The following PLCH1 variants were observed in gnomAD, a reference collection of about 807,000 sequenced individuals.
PLCH1 encodes 1-phosphatidylinositol 4,5-bisphosphate phosphodiesterase eta-1.
A neutral mutation model predicts 126.7 loss-of-function variants in PLCH1; 60 were observed. The observed-to-expected ratio is 0.47, with a 90% CI of 0.38 to 0.59. The LOEUF (loss-of-function observed/expected upper bound fraction) is 0.59. Among genes scored for constraint, PLCH1 ranks in the 20% least tolerant of loss-of-function variants. The probability of loss-of-function intolerance (pLI) is 0.00; values close to 1 mark genes in which losing one functional copy is unlikely to be tolerated. For synonymous variants in PLCH1, 719 were observed against 734.9 expected (o/e 0.98, Z 0.35); for missense variants, 1,723 against 2,040.0 (o/e 0.84, Z 2.99).
At chr3:155,592,089 T>G (rs1340034280) in intron 4 of PLCH1, among the ~76,000 whole-genome samples, 1 of 151,548 alleles carries the variant, frequency 6.6e-6, no homozygotes, top group Non-Finnish European at 1.5e-5. Flanking sequence ...GAGATTGGTT[T>G]AGGAATGAGG....
At chr3:155,498,630 C>T (rs777925455) in intron 14 of PLCH1, among the ~76,000 whole-genome samples, 5 of 152,202 alleles carry the variant, frequency 3.3e-5, no homozygotes, top group Non-Finnish European at 5.9e-5. Flanking sequence ...AAGAATTATA[C>T]ACCTAAAGGG....
chr3:155,487,912 A>G, intron 21 of PLCH1, 116 bp downstream of exon 21: 1 of 668,460 alleles, frequency 1.5e-6, no homozygotes, highest in Non-Finnish European at 2.6e-6. Flanking sequence ...GCCTCCTTAG[A>G]GTTTTTGGTT....
chr3:155,536,193 C>A (rs628026), intron 10 of PLCH1, among the ~76,000 whole-genome samples: 83,479 of 152,074 alleles, frequency 0.55, 27,728 homozygotes, highest in Non-Finnish European at 0.75. Context: ...AATACCAGAT[C>A]TTCCCTCTGA....
chr3:155,731,810 C>G (rs140792684), intron 1 of PLCH1, among the ~76,000 whole-genome samples: 117 of 151,948 alleles, frequency 7.7e-4, no homozygotes, highest in African/African-American at 2.6e-3. Context: ...TGGCAAAACC[C>G]CATCTCTGCA....
At chr3:155,646,750 C>T (rs1056976815) in intron 2 of PLCH1, among the ~76,000 whole-genome samples, 2 of 152,174 alleles carry the variant, frequency 1.3e-5, no homozygotes, top group East Asian at 1.9e-4. Context: ...TCCTCCCTAA[C>T]GAGTCAGCTT....
chr3:155,517,226 G>A (rs190396197), intron 11 of PLCH1, among the ~76,000 whole-genome samples: 2 of 152,266 alleles, frequency 1.3e-5, no homozygotes, highest in East Asian at 3.9e-4. Context: ...AGGATCCCAT[G>A]AGCCCAAGAG....
intron 2 of PLCH1, among the ~76,000 whole-genome samples, chr3:155,605,948 G>A (rs2108700708): frequency 6.6e-6 from 1 of 152,104 alleles, no homozygotes; most frequent in Admixed American, 6.5e-5. Context: ...GTTTCACTTG[G>A]GAAAATATCT....
chr3:155,480,700 G>C lies in PLCH1; in HGVS notation c.*268C>G. ...ACACATTATAACCCGAGCTGCTGAG[G>C]AGTTTCACATCTAGGGCATGCACAT... On this transcript the variant is annotated 3_prime_UTR_variant, in exon 23 of 23. Coordinates refer to ENST00000460012, the MANE Select transcript of PLCH1 (RefSeq NM_014996.4). 2.8e-6 allele frequency: 1 copy of C among 362,662 alleles called. No individual in the cohort carries two copies. The highest frequency in any genetic ancestry group is 5.0e-6 in the Non-Finnish European group (1 of 200,874). The allele number at this position is 362,662 out of a possible 1,614,324, so 22.5% of individuals were successfully genotyped here. A position where few individuals can be genotyped will look rare whatever the true frequency, so the allele number is the denominator to read the frequency against.
chr3:155,527,010 C>T (rs1280777206), intron 10 of PLCH1, among the ~76,000 whole-genome samples: 1 of 152,140 alleles, frequency 6.6e-6, no homozygotes, highest in Non-Finnish European at 1.5e-5. Flanking sequence ...AAGGTAGCTG[C>T]CAGCATGTCC....
chr3:155,493,914 G>A (rs1367083375), intron 17 of PLCH1, among the ~76,000 whole-genome samples: 2 of 151,978 alleles, frequency 1.3e-5, no homozygotes, highest in South Asian at 2.1e-4. Flanking sequence ...TTTCACACAC[G>A]ACCTCTCAAG....
intron 12 of PLCH1, among the ~76,000 whole-genome samples, chr3:155,506,677 T>A (rs1464618771): frequency 3.4e-5 from 5 of 148,806 alleles, no homozygotes; most frequent in Admixed American, 6.7e-5. Flanking sequence ...ACAAAGGACA[T>A]GAACTCGTCA....
intron 2 of PLCH1, among the ~76,000 whole-genome samples, chr3:155,659,126 C>T (rs1186415491): frequency 2.6e-5 from 4 of 151,998 alleles, no homozygotes; most frequent in African/African-American, 7.3e-5. Flanking sequence ...GACATCTCAG[C>T]TTCTTTAAAA....
intron 11 of PLCH1, among the ~76,000 whole-genome samples, chr3:155,520,276 C>G (rs1331000729): frequency 2.0e-5 from 3 of 152,110 alleles, no homozygotes; most frequent in Non-Finnish European, 4.4e-5. Flanking sequence ...ATTCATAATC[C>G]TTTTTAGGAT....
chr3:155,624,361 CA>C (rs1736961980), intron 2 of PLCH1, among the ~76,000 whole-genome samples: 1 of 152,202 alleles, frequency 6.6e-6, no homozygotes, highest in Non-Finnish European at 1.5e-5. Flanking sequence ...TGCCCTCTCT[CA>C]CCACTCCTAT....
intron 9 of PLCH1, among the ~76,000 whole-genome samples, chr3:155,553,146 ACT>A (rs1487800988): frequency 6.6e-6 from 1 of 152,018 alleles, no homozygotes; most frequent in African/African-American, 2.4e-5. Flanking sequence ...ATGGAGTCTC[ACT>A]CTGTCACCCA....
chr3:155,713,846 T>G (rs1444492281), intron 1 of PLCH1, among the ~76,000 whole-genome samples: 1 of 152,234 alleles, frequency 6.6e-6, no homozygotes, highest in Non-Finnish European at 1.5e-5. Flanking sequence ...AATATTCTAT[T>G]AATAAGGATT....
chr3:155,692,970 G>A (rs1381394478), intron 2 of PLCH1, among the ~76,000 whole-genome samples: 1 of 151,892 alleles, frequency 6.6e-6, no homozygotes, highest in African/African-American at 2.4e-5. Context: ...TTTTAGTAGA[G>A]ACGGGGTTTC....
intron 21 of PLCH1, among the ~76,000 whole-genome samples, chr3:155,455,747 C>T (rs994191853): frequency 1.3e-5 from 2 of 152,192 alleles, no homozygotes; most frequent in Non-Finnish European, 2.9e-5. Flanking sequence ...ACAGAATATT[C>T]TTTACTTCTA....
intron 2 of PLCH1, among the ~76,000 whole-genome samples, chr3:155,664,505 C>T (rs1053231044): frequency 2.0e-5 from 3 of 152,210 alleles, no homozygotes; most frequent in African/African-American, 7.2e-5. Context: ...GCCTCTGTGG[C>T]AATCACTTTT....
Sources: allele counts gnomAD v4.1 joint callset (sites outside exome capture counted in the v4.1 genomes callset), GRCh38; gene constraint gnomAD v4.1.1; transcripts MANE v1.5; gene names NCBI Gene and HGNC (gene_info 2026-07-23, HGNC 2026-07-21).